The following MEF2C variants were observed in gnomAD, a reference collection of about 807,000 sequenced individuals.
The protein encoded by MEF2C is myocyte-specific enhancer factor 2C.
A neutral mutation model predicts 50.5 loss-of-function variants in MEF2C; 6 were observed. The observed-to-expected ratio is 0.12, with a 90% CI of 0.07 to 0.23. The LOEUF is 0.23. Among genes scored for constraint, MEF2C ranks in the 10% least tolerant of loss-of-function variants. The probability of loss-of-function intolerance (pLI) is 1.00; values close to 1 mark genes in which losing one functional copy is unlikely to be tolerated. For missense variants in MEF2C, 276 were observed against 605.0 expected, an observed-to-expected ratio of 0.46 and a Z score of 5.70; for synonymous variants, 183 against 228.0, an observed-to-expected ratio of 0.80 and a Z score of 1.78.
chr5:88,785,322 ATTTTTTT>A (rs1462089138), intron 3 of MEF2C: 1 of 150,146 alleles, frequency 6.7e-6, no homozygotes, highest in Non-Finnish European at 1.5e-5. Context: ...ACACACACGT[ATTTTTTT>A]ATGACTTACT....
chr5:88,850,290 C>T (rs1820853012), intron 1 of MEF2C, among the ~76,000 whole-genome samples: 1 of 152,148 alleles, frequency 6.6e-6, no homozygotes, highest in Admixed American at 6.5e-5. Context: ...ATTCATTTTA[C>T]ATATATTAGT....
At position 88,731,774 on chromosome 5, in the gene MEF2C, G is replaced by C; in HGVS notation, c.765C>G (p.Leu255=). ...TGCTGCCTGGTGGAATAAGAACTCG[G>C]AGATCTGGTTTACGGTTATTCATTC... The part of the protein sequence containing the change: ...NLGMNNRKPD[L]RVLIPPGSKN... The change falls in exon 7 of 11, where the codon CTC becomes CTG. Residue 255 remains leucine, a synonymous_variant. Transcript: ENST00000504921. The C allele has an allele frequency of 1.2e-6, 2 of 1,613,366 alleles. No individual in the cohort carries two copies. The highest frequency in any genetic ancestry group is 8.5e-7 in the Non-Finnish European group (1 of 1,179,488).
At chr5:88,898,592 A>ATCACC (rs1258388936) in intron 1 of MEF2C, among the ~76,000 whole-genome samples, 2 of 152,248 alleles carry the variant, frequency 1.3e-5, no homozygotes, top group Non-Finnish European at 2.9e-5. Context: ...GACCTCAGTA[A>ATCACC]TCACCTCCAT....
chr5:88,880,193 A>C (rs755499609), intron 1 of MEF2C, among the ~76,000 whole-genome samples: 1 of 152,088 alleles, frequency 6.6e-6, no homozygotes, highest in Non-Finnish European at 1.5e-5. Context: ...TAGAATGAAT[A>C]CGTGTATTTT....
intron 1 of MEF2C, chr5:88,827,026 G>A (rs1436066879): frequency 1.3e-5 from 2 of 151,192 alleles, no homozygotes; most frequent in African/African-American, 4.9e-5. Context: ...ACTAAAATGA[G>A]GCTGCTTACT....
intron 1 of MEF2C, among the ~76,000 whole-genome samples, chr5:88,896,269 G>A (rs1236287183): frequency 6.6e-6 from 1 of 152,178 alleles, no homozygotes; most frequent in Admixed American, 6.5e-5. Flanking sequence ...TTTGCAATAT[G>A]AGGCAGGCAG....
At chr5:88,880,164 G>A (rs1832364417) in intron 1 of MEF2C, among the ~76,000 whole-genome samples, 1 of 151,876 alleles carries the variant, frequency 6.6e-6, no homozygotes, top group Non-Finnish European at 1.5e-5. Flanking sequence ...ATCGTGTCTA[G>A]GCAATCACCA....
intron 2 of MEF2C, among the ~76,000 whole-genome samples, chr5:88,815,129 C>G (rs1049362290): frequency 6.6e-6 from 1 of 152,020 alleles, no homozygotes; most frequent in African/African-American, 2.4e-5. Context: ...TGAGAAGAAT[C>G]AAATAAACCA....
intron 6 of MEF2C, chr5:88,733,545 G>A (rs1158520985): frequency 1.0e-6 from 1 of 985,226 alleles, no homozygotes; most frequent in Admixed American, 6.2e-5. Flanking sequence ...CTGAGATAGA[G>A]GCCATGAGGA....
intron 3 of MEF2C, among the ~76,000 whole-genome samples, chr5:88,770,213 C>G (rs930844495): frequency 2.1e-4 from 32 of 152,266 alleles, no homozygotes; most frequent in African/African-American, 6.5e-4. Context: ...ATTTTACTTG[C>G]AAATGGGTTG....
chr5:88,800,104 G>A (rs1044980780), intron 3 of MEF2C, among the ~76,000 whole-genome samples: 1 of 152,148 alleles, frequency 6.6e-6, no homozygotes, highest in Admixed American at 6.6e-5. Flanking sequence ...GACTGAATGA[G>A]TAGCTCATTA....
chr5:88,756,572 G>T (rs1257057697), intron 4 of MEF2C, among the ~76,000 whole-genome samples: 1 of 152,134 alleles, frequency 6.6e-6, no homozygotes, highest in Non-Finnish European at 1.5e-5. Context: ...GTAATAAATT[G>T]CCATCTAACC....
Position 88,722,289 on chromosome 5 carries a change from C to T in MEF2C, c.*315G>A. The stretch of plus-strand genomic sequence containing the variant: ...CTATTTACATGTAAATAACGTTGAA[C>T]CTGCAACATGACACTATCTATTGTA... On this transcript the variant is annotated 3_prime_UTR_variant, in exon 11 of 11. Coordinates refer to ENST00000504921, the MANE Select transcript of MEF2C (RefSeq NM_002397.5). 4.1e-6 allele frequency: 1 copy of T among 241,062 alleles called. No individual in the cohort carries two copies. Among genetic ancestry groups the T allele is most frequent in the Non-Finnish European group, 8.0e-6 (1 of 124,270 alleles). The allele number at this position is 241,062 out of a possible 1,614,324, so 14.9% of individuals were successfully genotyped here.
At chr5:88,869,296 C>G (rs2924946) in intron 1 of MEF2C, among the ~76,000 whole-genome samples, 1 of 104,870 alleles carries the variant, frequency 9.5e-6, no homozygotes. Flanking sequence ...TATATATATA[C>G]ACATATATAT....
At chr5:88,838,782 A>T in intron 1 of MEF2C, 1 of 948,534 alleles carries the variant, frequency 1.1e-6, no homozygotes, top group Non-Finnish European at 1.3e-6. Flanking sequence ...TCCTCAAATT[A>T]TGGTCTACTA....
intron 3 of MEF2C, among the ~76,000 whole-genome samples, chr5:88,799,455 C>T (rs1199212035): frequency 6.6e-6 from 1 of 152,204 alleles, no homozygotes; most frequent in Non-Finnish European, 1.5e-5. Context: ...GTAAAGTAGA[C>T]ATATTTTCAC....
intron 2 of MEF2C, chr5:88,817,819 C>A (rs1806189963): frequency 6.6e-6 from 1 of 151,906 alleles, no homozygotes; most frequent in South Asian, 2.1e-4. Context: ...CCTATCCTTT[C>A]AAAGTAGGAA....
chr5:88,856,320 G>A (rs1823323622), intron 1 of MEF2C, among the ~76,000 whole-genome samples: 1 of 152,200 alleles, frequency 6.6e-6, no homozygotes, highest in Admixed American at 6.5e-5. Flanking sequence ...TCACAAAAAT[G>A]TGGTTTGAAA....
chr5:88,894,718 A>C (rs11954948), intron 1 of MEF2C, among the ~76,000 whole-genome samples: 6,413 of 152,312 alleles, frequency 0.042, 205 homozygotes, highest in Non-Finnish European at 0.06. Flanking sequence ...AGTATTTTTG[A>C]TATGATTTTA....
Sources: allele counts gnomAD v4.1 joint callset (sites outside exome capture counted in the v4.1 genomes callset), GRCh38; gene constraint gnomAD v4.1.1; transcripts MANE v1.5; gene names NCBI Gene and HGNC (gene_info 2026-07-23, HGNC 2026-07-21).